The following ZNF423 variants were observed in gnomAD, a reference collection of about 807,000 sequenced individuals.
The protein encoded by ZNF423 is Ebf-associated zinc finger protein.
ZNF423 carries 12 observed loss-of-function variants against 95.8 expected under a neutral mutation model. That is an observed-to-expected ratio of 0.13 (90% CI 0.08 to 0.20). The LOEUF (loss-of-function observed/expected upper bound fraction) is 0.20, where lower values mean the gene tolerates loss of function less well. Among genes scored for constraint, ZNF423 ranks in the 10% least tolerant of loss-of-function variants. ZNF423 has a pLI of 1.00. For synonymous variants in ZNF423, 749 were observed against 711.9 expected (o/e 1.05, Z -0.83); for missense variants, 1,316 against 1,737.1 (o/e 0.76, Z 4.31).
At chr16:49,813,852 A>T (rs930956971) in intron 1 of ZNF423, among the ~76,000 whole-genome samples, 1 of 152,232 alleles carries the variant, frequency 6.6e-6, no homozygotes, top group African/African-American at 2.4e-5. Flanking sequence ...GAAGCCACCC[A>T]GGAAAGGCCA....
At chr16:49,580,636 C>CA (rs1292151850) in intron 5 of ZNF423, among the ~76,000 whole-genome samples, 4 of 152,184 alleles carry the variant, frequency 2.6e-5, no homozygotes, top group African/African-American at 7.2e-5. Context: ...ACCTGTGATG[C>CA]ATATCAATCT....
intron 1 of ZNF423, among the ~76,000 whole-genome samples, chr16:49,839,300 AG>A (rs2035157627): frequency 6.6e-6 from 1 of 151,946 alleles, no homozygotes; most frequent in Non-Finnish European, 1.5e-5. Context: ...CACAAGCCTC[AG>A]GCCACAGCCC....
chr16:49,752,313 G>C (rs7198893), intron 2 of ZNF423, among the ~76,000 whole-genome samples: 2,986 of 152,330 alleles, frequency 0.02, 97 homozygotes, highest in African/African-American at 0.068. Context: ...ACCCCACATG[G>C]CTTGGGCCTG....
intron 3 of ZNF423, chr16:49,640,746 C>G (rs1395850523): frequency 6.6e-6 from 1 of 152,500 alleles, no homozygotes; most frequent in Non-Finnish European, 1.5e-5. Context: ...ACCTCTGAAG[C>G]CCAGCTCCCC....
chr16:49,741,114 G>A (rs2033405613), intron 2 of ZNF423, among the ~76,000 whole-genome samples: 1 of 152,026 alleles, frequency 6.6e-6, no homozygotes, highest in South Asian at 2.1e-4. Context: ...CAAGCGAATG[G>A]GGTGTGGAGT....
At position 49,487,761 on chromosome 16, in the gene ZNF423, T is replaced by C. The variant is rs1966869290; in HGVS notation, c.*3514A>G. 1.3e-5 allele frequency: 2 copies of C among 152,224 alleles called. No individual in the cohort carries two copies. Among genetic ancestry groups the C allele is most frequent in the Admixed American group, 1.3e-4 (2 of 15,288 alleles). The allele number at this position is 152,224 out of a possible 1,614,324, so 9.4% of individuals were successfully genotyped here. A position where few individuals can be genotyped will look rare whatever the true frequency, so the allele number is the denominator to read the frequency against. On this transcript the variant is annotated 3_prime_UTR_variant, in exon 8 of 8. Transcript: ENST00000563137. ...TCTCTAAGGGTACTTCTGGCTCGTTTCCAGCTCACGGCTTCTGCATTTGCA... is the reference window on the plus strand; with the variant it reads ...TCTCTAAGGGTACTTCTGGCTCGTTCCCAGCTCACGGCTTCTGCATTTGCA...
chr16:49,591,625 A>G (rs1971013141), intron 5 of ZNF423, among the ~76,000 whole-genome samples: 2 of 152,336 alleles, frequency 1.3e-5, no homozygotes, highest in Admixed American at 6.5e-5. Flanking sequence ...ACAAATGTGT[A>G]AAAATAGTAT....
rs1407248188 is a variant in ZNF423, at chr16:49,610,978, A to G, written c.3601+15192T>C. 2.0e-5 allele frequency among the ~76,000 whole-genome samples: 3 copies of G among 152,096 alleles called. No individual in the cohort carries two copies. In the East Asian group the frequency reaches 5.8e-4, roughly 29 times the overall value. On this transcript the variant is annotated intron_variant, in intron 5 of 7. Coordinates refer to ENST00000563137, the MANE Select transcript of ZNF423 (RefSeq NM_001379286.1). ...CCAAGAAAATCTTAAATATGTATGC[A>G]CCAAACAACAGAGCTGCAAAATATG...
intron 4 of ZNF423, 94 bp from the exon 5 acceptor site, chr16:49,626,348 C>T: frequency 8.5e-7 from 1 of 1,183,366 alleles, no homozygotes; most frequent in Non-Finnish European, 1.2e-6. Context: ...CAAGACTTTC[C>T]AGAATGGTTC....
chr16:49,676,906 C>T lies in ZNF423; in HGVS notation c.302-38032G>A, dbSNP rs745867951. On this transcript the variant is annotated intron_variant, in intron 3 of 7. Transcript: ENST00000563137. ...GCCCTGGACCAGCAACTCAGCATCA[C>T]ATGAGAGCTTTTTAGAAATGTAGAA... Among the ~76,000 whole-genome samples the T allele has an allele frequency of 2.0e-5, 3 of 152,128 alleles. No individual in the cohort carries two copies. The East Asian group carries it at 5.8e-4, about 29-fold the overall frequency.
intron 5 of ZNF423, among the ~76,000 whole-genome samples, chr16:49,593,171 C>T (rs1971068449): frequency 6.6e-6 from 1 of 152,204 alleles, no homozygotes; most frequent in Non-Finnish European, 1.5e-5. Flanking sequence ...CTGGGCTCTG[C>T]GTGGTGGCTC....
At chr16:49,586,814 G>A (rs939335261) in intron 5 of ZNF423, among the ~76,000 whole-genome samples, 4 of 152,204 alleles carry the variant, frequency 2.6e-5, no homozygotes, top group African/African-American at 9.6e-5. Flanking sequence ...GGACCTCCGA[G>A]CCAGTCCCCG....
intron 5 of ZNF423, among the ~76,000 whole-genome samples, chr16:49,555,528 T>C (rs1380465975): frequency 1.3e-5 from 2 of 152,260 alleles, no homozygotes; most frequent in Non-Finnish European, 2.9e-5. Context: ...TAGGACATAA[T>C]GCTAGTAAGT....
At chr16:49,714,001 G>A (rs1228078439) in intron 3 of ZNF423, among the ~76,000 whole-genome samples, 9 of 152,272 alleles carry the variant, frequency 5.9e-5, no homozygotes, top group East Asian at 5.8e-4. Flanking sequence ...AAGTCAGCCC[G>A]GCAGTGTGGT....
chr16:49,684,604 TCAAGGTTCTGG>T (rs2031491206), intron 3 of ZNF423, among the ~76,000 whole-genome samples: 1 of 152,180 alleles, frequency 6.6e-6, no homozygotes, highest in Admixed American at 6.5e-5. Context: ...GCTGAGCCCC[TCAAGGTTCTGG>T]TCAGGATGTG....
At chr16:49,546,683 GCACAGAATTAAA>G (rs1461563440) in intron 5 of ZNF423, among the ~76,000 whole-genome samples, 1 of 152,154 alleles carries the variant, frequency 6.6e-6, no homozygotes, top group Non-Finnish European at 1.5e-5. Context: ...TCATCAGGGG[GCACAGAATTAAA>G]CGCCAAGGCT....
At chr16:49,725,184 A>G (rs2032977468) in intron 3 of ZNF423, among the ~76,000 whole-genome samples, 1 of 152,164 alleles carries the variant, frequency 6.6e-6, no homozygotes, top group African/African-American at 2.4e-5. Flanking sequence ...GGAGGTCATG[A>G]TCAACCTAGG....
chr16:49,621,490 C>T (rs747446212), intron 5 of ZNF423, among the ~76,000 whole-genome samples: 12 of 152,134 alleles, frequency 7.9e-5, no homozygotes, highest in South Asian at 6.2e-4. Context: ...CAGAGGCCCC[C>T]GCTATAAAAA....
At chr16:49,843,298 G>A (rs1318430816) in intron 1 of ZNF423, among the ~76,000 whole-genome samples, 2 of 152,114 alleles carry the variant, frequency 1.3e-5, no homozygotes, top group Non-Finnish European at 2.9e-5. Context: ...ATAAAGTCTG[G>A]TGCAACGATT....
Sources: gnomAD v4.1 joint callset for allele counts (sites outside exome capture counted in the v4.1 genomes callset) on GRCh38, gnomAD v4.1.1 for gene constraint, MANE v1.5 for transcripts, NCBI Gene and HGNC (gene_info 2026-07-23, HGNC 2026-07-21) for gene names.